The following CDH17 variants were observed in gnomAD, a reference collection of about 807,000 sequenced individuals.
The protein encoded by CDH17 is cadherin 17.
In CDH17, 67 loss-of-function variants were observed where a neutral mutation model predicts 86.3. The observed-to-expected ratio is 0.78, with a 90% CI of 0.64 to 0.95. The LOEUF (loss-of-function observed/expected upper bound fraction) is 0.95. Ranked by LOEUF, CDH17 falls within the 40% of genes least tolerant of loss-of-function variation. The pLI, the probability that CDH17 is intolerant of heterozygous loss-of-function variation, is 0.00. For synonymous variants in CDH17, 367 were observed against 366.4 expected, an observed-to-expected ratio of 1.00 and a Z score of -0.02; for missense variants, 993 against 1,017.6, an observed-to-expected ratio of 0.98 and a Z score of 0.33.
At chr8:94,130,596 A>G in intron 17 of CDH17, 30 bp downstream of exon 17, 1 of 1,451,232 alleles carries the variant, frequency 6.9e-7, no homozygotes, top group Non-Finnish European at 9.6e-7. Flanking sequence ...GCCCAGGATA[A>G]GACTCTTTGA....
chr8:94,163,012 A>G (rs1813085461), intron 10 of CDH17, among the ~76,000 whole-genome samples: 1 of 152,208 alleles, frequency 6.6e-6, no homozygotes, highest in South Asian at 2.1e-4. Flanking sequence ...TGTATGTGAG[A>G]GCTTGGGTGC....
chr8:94,214,221 G>A (rs985094859), intron 1 of CDH17, among the ~76,000 whole-genome samples: 1 of 152,046 alleles, frequency 6.6e-6, no homozygotes, highest in Non-Finnish European at 1.5e-5. Context: ...AGTGTGCAGT[G>A]ACTGCCTAGG....
At chr8:94,213,098 T>C (rs1359794390), upstream of CDH17, among the ~76,000 whole-genome samples, 1 of 152,214 alleles carries the variant, frequency 6.6e-6, no homozygotes, top group Non-Finnish European at 1.5e-5. Flanking sequence ...TGCCTCAGCC[T>C]CCAAAGTAGC....
rs1473921372 is a variant in CDH17 at position 94,160,152 on chromosome 8, A to G, written c.1370T>C (p.Leu457Pro). Residue 457 changes from leucine (L) to proline (P), a missense_variant, in exon 12 of 18, where the codon CTG (leucine) becomes CCG (proline). Leu to Pro is a moderately conservative substitution (Grantham distance 98). Coordinates refer to ENST00000027335, the MANE Select transcript of CDH17 (RefSeq NM_004063.4). ...AATGTTTGTGTCTTCAGCAAGAGTC[A>G]GGTTTCCATACTAAGGAGAAAATGG... ...PIFEKSDYGN[L>P]TLAEDTNIGS... 1 of 1,611,400 alleles carries G rather than the reference A, an allele frequency of 6.2e-7. No homozygotes were observed. The highest frequency in any genetic ancestry group is 8.5e-7 in the Non-Finnish European group (1 of 1,178,826).
chr8:94,171,288 C>T (rs1170471696), intron 7 of CDH17, among the ~76,000 whole-genome samples: 1 of 152,028 alleles, frequency 6.6e-6, no homozygotes, highest in African/African-American at 2.4e-5. Context: ...GCTTTCTATC[C>T]ACGAACCATC....
At chr8:94,186,175 C>A (rs1813576851) in intron 3 of CDH17, among the ~76,000 whole-genome samples, 1 of 152,152 alleles carries the variant, frequency 6.6e-6, no homozygotes, top group South Asian at 2.1e-4. Flanking sequence ...GACCTCTCCA[C>A]CTGGCTGCCC....
rs1161169963 is a variant in CDH17, at chr8:94,127,733, C to T, written c.*507G>A. On this transcript the variant is annotated 3_prime_UTR_variant, in exon 18 of 18. Coordinates refer to ENST00000027335, the MANE Select transcript of CDH17 (RefSeq NM_004063.4). ...TCTGTCTTGCCCCAAAAGGGAAAAACACAAGTAGCTAAGCCATTTGCAGAG... is the reference window on the plus strand; with the variant it reads ...TCTGTCTTGCCCCAAAAGGGAAAAATACAAGTAGCTAAGCCATTTGCAGAG... The T allele has an allele frequency of 2.0e-5, 3 of 153,004 alleles. No individual in the cohort carries two copies. The highest frequency in any genetic ancestry group is 4.4e-5 in the Non-Finnish European group (3 of 68,676). 9.5% of individuals were successfully genotyped at this position (153,004 alleles called of 1,614,324 possible).
At chr8:94,179,689 C>T (rs1308389608) in intron 3 of CDH17, among the ~76,000 whole-genome samples, 1 of 152,208 alleles carries the variant, frequency 6.6e-6, no homozygotes, top group African/African-American at 2.4e-5. Flanking sequence ...AGGAGACTTA[C>T]TGGCTTAAGG....
intron 13 of CDH17, among the ~76,000 whole-genome samples, chr8:94,149,974 T>G (rs916213950): frequency 6.6e-6 from 1 of 152,188 alleles, no homozygotes; most frequent in South Asian, 2.1e-4. Flanking sequence ...AATCAAAGTT[T>G]AAAAAGAATT....
chr8:94,164,807 T>C (rs905147508), intron 10 of CDH17, among the ~76,000 whole-genome samples: 3 of 152,238 alleles, frequency 2.0e-5, no homozygotes, highest in Admixed American at 1.3e-4. Context: ...TGAGTCTGTC[T>C]TTGAATCCAG....
chr8:94,181,926 T>A (rs888373369), intron 3 of CDH17, among the ~76,000 whole-genome samples: 1 of 152,032 alleles, frequency 6.6e-6, no homozygotes, highest in Middle Eastern at 3.4e-3. Flanking sequence ...AAGATTCAAA[T>A]AACTAGAATC....
At chr8:94,134,791 G>A (rs1812490109) in intron 15 of CDH17, among the ~76,000 whole-genome samples, 1 of 152,068 alleles carries the variant, frequency 6.6e-6, no homozygotes, top group South Asian at 2.1e-4. Flanking sequence ...TCTCATGTGG[G>A]CATTTAATGC....
intron 10 of CDH17, among the ~76,000 whole-genome samples, chr8:94,162,834 T>C (rs1225201239): frequency 6.6e-6 from 1 of 152,116 alleles, no homozygotes; most frequent in African/African-American, 2.4e-5. Flanking sequence ...TCCAGATGTG[T>C]GTGGAGTGCA....
At chr8:94,135,980 C>T (rs1390327972) in intron 15 of CDH17, among the ~76,000 whole-genome samples, 1 of 152,150 alleles carries the variant, frequency 6.6e-6, no homozygotes, top group African/African-American at 2.4e-5. Flanking sequence ...TGAATATTGG[C>T]CCCCACTCTC....
At position 94,173,815 on chromosome 8, in the gene CDH17, G is replaced by A; in HGVS notation, c.765C>T (p.His255=). ...VEMVENSTDP[H]PIKITQVRWN... is the part of the protein sequence containing the mutation. Reference sequence around the variant, plus strand: ...GTACTACCTGAGTGATTTTGATGGGGTGAGGATCAGTTGAGTTTTCCACCA... The same window carrying A: ...GTACTACCTGAGTGATTTTGATGGGATGAGGATCAGTTGAGTTTTCCACCA... The change falls in exon 7 of 18, where the codon CAC becomes CAT. Residue 255 remains histidine (H), a synonymous_variant. Coordinates refer to ENST00000027335, the MANE Select transcript of CDH17 (RefSeq NM_004063.4). 1 of 1,613,702 alleles carries A rather than the reference G, an allele frequency of 6.2e-7. No homozygotes were observed.
chr8:94,200,546 T>G (rs1477435577), intron 1 of CDH17, among the ~76,000 whole-genome samples: 4 of 141,668 alleles, frequency 2.8e-5, no homozygotes, highest in Non-Finnish European at 6.1e-5. Context: ...TGTTTTTTTT[T>G]TTTTTTTTTT....
At chr8:94,156,622 C>G (rs751219292) in intron 12 of CDH17, among the ~76,000 whole-genome samples, 39 of 152,194 alleles carry the variant, frequency 2.6e-4, no homozygotes, top group Non-Finnish European at 3.5e-4. Flanking sequence ...CAAAATTACT[C>G]ATTTCCAGGC....
intron 1 of CDH17, among the ~76,000 whole-genome samples, chr8:94,207,926 G>C (rs1043318846): frequency 5.3e-5 from 8 of 152,182 alleles, no homozygotes; most frequent in African/African-American, 1.9e-4. Context: ...ACTTGTGAAG[G>C]CAGGTCTGTC....
intron 1 of CDH17, among the ~76,000 whole-genome samples, chr8:94,199,810 C>T (rs1428955279): frequency 6.6e-6 from 1 of 152,046 alleles, no homozygotes; most frequent in African/African-American, 2.4e-5. Context: ...GGTCTTAACT[C>T]CTCCACCGGC....
Sources: allele counts gnomAD v4.1 joint callset (sites outside exome capture counted in the v4.1 genomes callset), GRCh38; gene constraint gnomAD v4.1.1; transcripts MANE v1.5; gene names NCBI Gene and HGNC (gene_info 2026-07-23, HGNC 2026-07-21).